COL11A1: variants seen among roughly 807,000 people sequenced by gnomAD.
COL11A1 encodes collagen type XI alpha 1 chain.
COL11A1 carries 74 observed loss-of-function variants against 265.2 expected under a neutral mutation model. The ratio of observed to expected loss-of-function variants is 0.28; its 90% confidence interval spans 0.23 to 0.34. The LOEUF (loss-of-function observed/expected upper bound fraction) is 0.34, where lower values mean the gene tolerates loss of function less well. Ranked by LOEUF, COL11A1 falls within the 10% of genes least tolerant of loss-of-function variation. The probability of loss-of-function intolerance (pLI) is 1.00; values close to 1 mark genes in which losing one functional copy is unlikely to be tolerated. For synonymous variants in COL11A1, 816 were observed against 727.6 expected (o/e 1.12, Z -1.96); for missense variants, 2,165 against 2,263.6 (o/e 0.96, Z 0.88).
intron 12 of COL11A1, 48 bp downstream of exon 12, chr1:103,015,620 A>C: frequency 7.3e-7 from 1 of 1,376,540 alleles, no homozygotes; most frequent in African/African-American, 1.4e-5. Flanking sequence ...CTTCAGAAAA[A>C]AGATGACAAG....
chr1:102,886,897 T>C lies in COL11A1; in HGVS notation c.4768A>G (p.Ile1590Val), dbSNP rs1245338776. ...FGSLNSLKQD[I>V]EHMKFPMGTQ... Reference sequence around the variant, plus strand: ...CCCATTGGAAATTTCATATGCTCAATGTCTTGTTTCAGGGAATTGAGGGAA... The same window carrying C: ...CCCATTGGAAATTTCATATGCTCAACGTCTTGTTTCAGGGAATTGAGGGAA... The change falls in exon 63 of 67, where the codon ATT becomes GTT. Residue 1590 changes from isoleucine (I) to valine (V), a missense_variant. Coordinates refer to ENST00000370096, the MANE Select transcript of COL11A1 (RefSeq NM_001854.4). The C allele has an allele frequency of 2.5e-6, 4 of 1,613,882 alleles. No individual in the cohort carries two copies. In the South Asian group the frequency reaches 3.3e-5, roughly 13 times the overall value.
intron 41 of COL11A1, among the ~76,000 whole-genome samples, chr1:102,959,984 G>A (rs1201228842): frequency 6.6e-6 from 1 of 152,194 alleles, no homozygotes; most frequent in Non-Finnish European, 1.5e-5. Context: ...TAAATGGATT[G>A]CATTTTACTG....
intron 46 of COL11A1, 135 bp downstream of exon 46, chr1:102,934,314 G>T (rs1657915332): frequency 3.0e-6 from 2 of 656,754 alleles, no homozygotes; most frequent in Admixed American, 5.6e-5. Flanking sequence ...AAAATAAAAT[G>T]ATCTTTATGG....
intron 62 of COL11A1, among the ~76,000 whole-genome samples, chr1:102,887,591 AT>A (rs1651157032): frequency 6.6e-6 from 1 of 152,168 alleles, no homozygotes; most frequent in South Asian, 2.1e-4. Flanking sequence ...CCCGACTTGA[AT>A]TTACATTACG....
intron 37 of COL11A1, 67 bp from the exon 38 acceptor site, chr1:102,965,607 G>T: frequency 7.7e-7 from 1 of 1,296,370 alleles, no homozygotes; most frequent in Non-Finnish European, 1.1e-6. Flanking sequence ...AATTCTATGA[G>T]ATAGCTGAAT....
At chr1:102,992,894 G>T (rs182196161) in intron 28 of COL11A1, among the ~76,000 whole-genome samples, 39 of 152,040 alleles carry the variant, frequency 2.6e-4, no homozygotes, top group African/African-American at 7.7e-4. Flanking sequence ...ATACATACTT[G>T]CATCTTCTGA....
intron 9 of COL11A1, among the ~76,000 whole-genome samples, chr1:103,021,180 T>C (rs1244434396): frequency 6.6e-6 from 1 of 151,292 alleles, no homozygotes. Context: ...TTATTAGTAA[T>C]AATATTGATA....
chr1:103,065,399 A>G (rs1422226920), intron 4 of COL11A1, among the ~76,000 whole-genome samples: 2 of 151,918 alleles, frequency 1.3e-5, no homozygotes, highest in East Asian at 1.9e-4. Context: ...AGGCGCCTGT[A>G]GTCCCAGCTA....
At chr1:102,995,249 C>A (rs188996099) in intron 28 of COL11A1, among the ~76,000 whole-genome samples, 1 of 152,124 alleles carries the variant, frequency 6.6e-6, no homozygotes, top group African/African-American at 2.4e-5. Flanking sequence ...ATCTGAATGT[C>A]ATGTTCTTCA....
At chr1:103,056,446 C>T (rs1028416976) in intron 4 of COL11A1, among the ~76,000 whole-genome samples, 4 of 152,094 alleles carry the variant, frequency 2.6e-5, no homozygotes, top group African/African-American at 9.7e-5. Flanking sequence ...GTTAAAACTT[C>T]CAAGAGTTAA....
At chr1:102,993,121 C>A in intron 28 of COL11A1, among the ~76,000 whole-genome samples, 1 of 152,118 alleles carries the variant, frequency 6.6e-6, no homozygotes. Context: ...CACTGCCTAG[C>A]CCCTCTAAAA....
At chr1:103,089,631 T>C (rs1267510177) in intron 1 of COL11A1, among the ~76,000 whole-genome samples, 1 of 152,156 alleles carries the variant, frequency 6.6e-6, no homozygotes, top group Non-Finnish European at 1.5e-5. Flanking sequence ...TGCAAAGACA[T>C]AGCAGCTGAA....
In COL11A1 at chr1:103,015,683, A is replaced by T; in HGVS notation, c.1473T>A (p.Thr491=). The part of the protein sequence containing the change: ...GADGLPGPPG[T]MLMLPFRYGG... ...AAGAACATACCGGTAACATCAACAT[A>T]GTACCAGGAGGACCAGGTAGACCAT... The change falls in exon 12 of 67, where the codon ACT becomes ACA. Residue 491 remains threonine, a synonymous_variant. Transcript: ENST00000370096. 6.2e-7 allele frequency: 1 copy of T among 1,608,000 alleles called. No homozygotes were observed. The highest frequency in any genetic ancestry group is 1.7e-5 in the Admixed American group (1 of 59,574).
intron 4 of COL11A1, among the ~76,000 whole-genome samples, chr1:103,067,502 T>A (rs946578311): frequency 1.3e-5 from 2 of 151,878 alleles, no homozygotes; most frequent in Admixed American, 6.6e-5. Flanking sequence ...GAGAAATGTG[T>A]AATTTTAAAT....
At chr1:102,909,767 A>G (rs954292135) in intron 54 of COL11A1, among the ~76,000 whole-genome samples, 8 of 152,084 alleles carry the variant, frequency 5.3e-5, no homozygotes, top group Non-Finnish European at 1.2e-4. Context: ...CTGAATATGT[A>G]TTGAATTTTC....
At chr1:103,107,943 T>G in intron 1 of COL11A1, 130 bp downstream of exon 1, 3 of 732,212 alleles carry the variant, frequency 4.1e-6, no homozygotes, top group Non-Finnish European at 7.1e-6. Flanking sequence ...ACAATCTGGA[T>G]TGTATTTAAG....
Position 102,951,834 on chromosome 1 carries a change from T to G in COL11A1, c.3169-4878A>C, listed in dbSNP as rs572892739. Among the ~76,000 whole-genome samples the G allele has an allele frequency of 2.3e-4, 35 of 152,210 alleles. No individual in the cohort carries two copies. In the South Asian group the frequency reaches 7.3e-3, roughly 32 times the overall value. ...AAATTTTTCAAATTTGCAGGAAAAT[T>G]GCTATTGAATGTATATTTTCCCTGT... is the stretch of plus-strand genomic sequence containing the variant. On this transcript the variant is annotated intron_variant, in intron 41 of 66. Transcript: ENST00000370096.
intron 46 of COL11A1, among the ~76,000 whole-genome samples, chr1:102,931,514 T>C (rs1393114025): frequency 6.6e-6 from 1 of 152,182 alleles, no homozygotes; most frequent in African/African-American, 2.4e-5. Flanking sequence ...TACTTCCAAG[T>C]ATGTGGTCAA....
At chr1:103,047,679 T>G (rs7550143) in intron 4 of COL11A1, among the ~76,000 whole-genome samples, 6,263 of 152,180 alleles carry the variant, frequency 0.041, 225 homozygotes, top group African/African-American at 0.092. Flanking sequence ...CCTGTCTTGT[T>G]CCAGTTTTCA....
Sources: allele counts gnomAD v4.1 joint callset (sites outside exome capture counted in the v4.1 genomes callset), GRCh38; gene constraint gnomAD v4.1.1; transcripts MANE v1.5; gene names NCBI Gene and HGNC (gene_info 2026-07-23, HGNC 2026-07-21).